Variants in SAMD5 observed in about 807,000 individuals in gnomAD.
SAMD5 encodes the protein sterile alpha motif domain containing 5.
Under a neutral mutation model 11.3 loss-of-function variants are expected in SAMD5, and 13 were observed. The ratio of observed to expected loss-of-function variants is 1.15; its 90% CI spans 0.75 to 1.83. The LOEUF is 1.83. Among genes scored for constraint, SAMD5 ranks in the 40% most tolerant of loss-of-function variants. The pLI is 0.00. For missense variants in SAMD5, 255 were observed against 239.1 expected (o/e 1.07, Z -0.44); for synonymous variants, 129 against 111.3 (o/e 1.16, Z -1.00).
At chr6:147,782,004 A>G in the SAMD5 span, among the ~76,000 whole-genome samples, 1 of 152,108 alleles carries the variant, frequency 6.6e-6, no homozygotes, top group South Asian at 2.1e-4. Flanking sequence ...ATGTAGTGGA[A>G]GTGAGTTTTA....
chr6:147,585,403 A>G (rs1789360017), intron 1 of SAMD5, among the ~76,000 whole-genome samples: 1 of 152,140 alleles, frequency 6.6e-6, no homozygotes, highest in Admixed American at 6.5e-5. Context: ...AAAGTCAATA[A>G]CTGATCTCAC....
At chr6:147,597,023 G>T (rs2128447746) in intron 1 of SAMD5, among the ~76,000 whole-genome samples, 1 of 152,266 alleles carries the variant, frequency 6.6e-6, no homozygotes, top group South Asian at 2.1e-4. Flanking sequence ...GGGTTATGGT[G>T]GGAATGTGGG....
At chr6:147,878,627 ATATC>A in the SAMD5 span, among the ~76,000 whole-genome samples, 1 of 147,978 alleles carries the variant, frequency 6.8e-6, no homozygotes, top group Admixed American at 6.8e-5. Flanking sequence ...ATATGTATAT[ATATC>A]TATATATTTA....
At chr6:147,646,091 C>T (rs1445809423) in intron 1 of SAMD5, among the ~76,000 whole-genome samples, 4 of 151,732 alleles carry the variant, frequency 2.6e-5, no homozygotes, top group African/African-American at 9.7e-5. Context: ...TATCTATTCA[C>T]AGTTGACCCT....
the SAMD5 span, among the ~76,000 whole-genome samples, chr6:147,768,289 G>A: frequency 2.0e-5 from 3 of 152,156 alleles, no homozygotes; most frequent in Non-Finnish European, 4.4e-5. Context: ...CCTGAGGTCA[G>A]GAGTTCGAAA....
chr6:147,813,589 T>C, the SAMD5 span, among the ~76,000 whole-genome samples: 3 of 152,240 alleles, frequency 2.0e-5, no homozygotes, highest in Non-Finnish European at 4.4e-5. Flanking sequence ...TACTCAGTTA[T>C]ACAGCTGGAA....
intron 1 of SAMD5, among the ~76,000 whole-genome samples, chr6:147,530,142 T>C (rs1427424063): frequency 1.3e-5 from 2 of 152,206 alleles, no homozygotes; most frequent in South Asian, 2.1e-4. Flanking sequence ...CAAACAAACA[T>C]ATTAGAGGTT....
the SAMD5 span, among the ~76,000 whole-genome samples, chr6:147,897,272 A>T: frequency 1.8e-4 from 27 of 152,318 alleles, no homozygotes; most frequent in Non-Finnish European, 2.2e-4. Flanking sequence ...GGGGGAAAAG[A>T]TAACCCGCTA....
chr6:147,937,485 G>T, the SAMD5 span, among the ~76,000 whole-genome samples: 2 of 152,230 alleles, frequency 1.3e-5, no homozygotes, highest in Non-Finnish European at 2.9e-5. Flanking sequence ...CTCCTAGGCT[G>T]AGGATGACCT....
chr6:147,951,470 C>T, the SAMD5 span, among the ~76,000 whole-genome samples: 1 of 152,104 alleles, frequency 6.6e-6, no homozygotes, highest in African/African-American at 2.4e-5. Flanking sequence ...TCTACCATCA[C>T]AGCCCTAATG....
rs565722957 is a variant in SAMD5 at position 147,564,775 on chromosome 6, T to C, written c.*319T>C. 1.2e-3 allele frequency: 1,233 copies of C among 1,025,828 alleles called. No individual in the cohort carries two copies. Among genetic ancestry groups the C allele is most frequent in the Non-Finnish European group, 1.4e-3 (1,175 of 856,288 alleles). 63.5% of individuals were successfully genotyped at this position (1,025,828 alleles called of 1,614,324 possible). A position where few individuals can be genotyped will look rare whatever the true frequency, so the allele number is the denominator to read the frequency against. On this transcript the variant is annotated 3_prime_UTR_variant, in exon 2 of 2. Coordinates refer to ENST00000367474, the MANE Select transcript of SAMD5 (RefSeq NM_001030060.3). The stretch of plus-strand genomic sequence containing the variant: ...CCATTCTTAATGAAAACAGATGAGG[T>C]TGGCTAAGGCATTTGAGTCATAACT...
chr6:147,884,109 G>A, the SAMD5 span, among the ~76,000 whole-genome samples: 2 of 151,972 alleles, frequency 1.3e-5, no homozygotes, highest in Admixed American at 1.3e-4. Flanking sequence ...TTTCCCCTTG[G>A]CCATCTTGGG....
intron 1 of SAMD5, among the ~76,000 whole-genome samples, chr6:147,546,626 T>G (rs1163617325): frequency 6.6e-6 from 1 of 151,928 alleles, no homozygotes; most frequent in Non-Finnish European, 1.5e-5. Flanking sequence ...CCAACCTATC[T>G]GTAAGAGACC....
the SAMD5 span, among the ~76,000 whole-genome samples, chr6:147,846,237 G>A: frequency 6.6e-6 from 1 of 152,296 alleles, no homozygotes; most frequent in African/African-American, 2.4e-5. Context: ...TCGGGGATAT[G>A]TGCTGTAAAG....
At chr6:147,746,160 C>A in the SAMD5 span, among the ~76,000 whole-genome samples, 2 of 152,174 alleles carry the variant, frequency 1.3e-5, no homozygotes, top group Non-Finnish European at 1.5e-5. Context: ...TTGAAGGGAT[C>A]AGACGAAGAA....
Position 147,568,373 on chromosome 6 carries a change from T to G in SAMD5, c.*3917T>G. On this transcript the variant is annotated 3_prime_UTR_variant, in exon 2 of 2. Transcript: ENST00000367474. ...AAATAAAAAAAGAAGTTAACATAAT[T>G]AAAATGCTTGGACAAAACATTTGCT... 1.0e-6 allele frequency: 1 copy of G among 984,964 alleles called. No homozygotes were observed. Among genetic ancestry groups the G allele is most frequent in the Non-Finnish European group, 1.2e-6 (1 of 829,510 alleles). 61.0% of individuals were successfully genotyped at this position (984,964 alleles called of 1,614,324 possible).
intron 1 of SAMD5, among the ~76,000 whole-genome samples, chr6:147,529,080 G>C (rs1391704090): frequency 6.6e-6 from 1 of 152,180 alleles, no homozygotes; most frequent in African/African-American, 2.4e-5. Flanking sequence ...GTCAGAAAAT[G>C]TATGTAGAGC....
In SAMD5 at chr6:147,731,652, C is replaced by CAAAA. The variant is rs4052655; in HGVS notation, c.163-5649_163-5646dup. Among the ~76,000 whole-genome samples the CAAAA allele has an allele frequency of 3.1e-3, 282 of 90,072 alleles. 4 individuals carry two copies. Among genetic ancestry groups the CAAAA allele is most frequent in the African/African-American group, 6.0e-3 (135 of 22,444 alleles). 59.1% of individuals were successfully genotyped at this position (90,072 alleles called of 152,430 possible). On this transcript the variant is annotated intron_variant, in intron 1 of 1. Transcript: ENST00000566741. Reference sequence around the variant, plus strand: ...CCCTCTCTTTTCTCTCTGGCCACTACAAAAAAAAAAAAAAAAAAATCCTGA... The same window carrying CAAAA: ...CCCTCTCTTTTCTCTCTGGCCACTACAAAAAAAAAAAAAAAAAAAAAAATCCTGA...
chr6:147,650,502 C>T (rs7749707), intron 1 of SAMD5, among the ~76,000 whole-genome samples: 6,606 of 152,270 alleles, frequency 0.043, 170 homozygotes, highest in South Asian at 0.054. Flanking sequence ...GAACATGAAC[C>T]GCCTGGTATG....
Sources: allele counts gnomAD v4.1 joint callset (sites outside exome capture counted in the v4.1 genomes callset), GRCh38; gene constraint gnomAD v4.1.1; transcripts MANE v1.5; gene names NCBI Gene and HGNC (gene_info 2026-07-23, HGNC 2026-07-21).